CCDC149: variants seen among roughly 807,000 people sequenced by gnomAD.
CCDC149 encodes coiled-coil domain-containing protein 149.
Under a neutral mutation model 59.9 loss-of-function variants are expected in CCDC149, and 45 were observed. The ratio of observed to expected loss-of-function variants is 0.75; its 90% confidence interval spans 0.59 to 0.96. The LOEUF (loss-of-function observed/expected upper bound fraction) is 0.96, where lower values mean the gene tolerates loss of function less well. CCDC149 is among the 40% of genes least tolerant of loss of function. The probability of loss-of-function intolerance (pLI) is 0.00; values close to 1 mark genes in which losing one functional copy is unlikely to be tolerated. For synonymous variants in CCDC149, 245 were observed against 260.6 expected, an observed-to-expected ratio of 0.94 and a Z score of 0.58; for missense variants, 584 against 664.7, an observed-to-expected ratio of 0.88 and a Z score of 1.33.
At position 24,842,676 on chromosome 4, in the gene CCDC149, A is replaced by G. The variant is rs560321833; in HGVS notation, c.373-4404T>C. 3.3e-3 allele frequency among the ~76,000 whole-genome samples: 505 copies of G among 152,322 alleles called. 1 individual carries two copies. Among genetic ancestry groups the G allele is most frequent in the African/African-American group, 0.011 (472 of 41,560 alleles). ...GGAAGTGGCTGAGGGACATGGCTGC[A>G]AAACAAAGTGGTAAAACGGCTTCTG... On this transcript the variant is annotated intron_variant, in intron 4 of 12. Transcript: ENST00000635206.
At position 24,837,373 on chromosome 4, in the gene CCDC149, C is replaced by T; in HGVS notation, c.517G>A (p.Ala173Thr). The change falls in exon 6 of 13, where the codon GCT (alanine) becomes ACT (threonine). Residue 173 changes from alanine (A) to threonine (T), a missense_variant. Ala to Thr is a moderately conservative substitution (Grantham distance 58, BLOSUM62 0). Coordinates refer to ENST00000635206, the MANE Select transcript of CCDC149 (RefSeq NM_001330643.2). The surrounding 1 kb of genome is among the most constrained non-coding windows in gnomAD (Gnocchi z 4.3). Reference sequence around the variant, plus strand: ...ACATCCTGAAGCTCGTCCACAGAAGCCTGCAGGTCGTGCTCCAGAGACTCA... The same window carrying T: ...ACATCCTGAAGCTCGTCCACAGAAGTCTGCAGGTCGTGCTCCAGAGACTCA... The T allele has an allele frequency of 6.2e-7, 1 of 1,614,178 alleles. No homozygotes were observed. The highest frequency in any genetic ancestry group is 8.5e-7 in the Non-Finnish European group (1 of 1,180,014).
intron 4 of CCDC149, among the ~76,000 whole-genome samples, chr4:24,843,824 C>T (rs1029014947): frequency 1.3e-5 from 2 of 152,278 alleles, no homozygotes; most frequent in African/African-American, 2.4e-5. Context: ...AGAGCCTCTA[C>T]TAGGGCTGAA....
At chr4:24,820,287 G>T in intron 11 of CCDC149, 1 of 273,008 alleles carries the variant, frequency 3.7e-6, no homozygotes, top group Non-Finnish European at 7.0e-6. Context: ...GATTCTTGGA[G>T]GGGGTGATAA....
chr4:24,854,972 G>T (rs1250697369), intron 3 of CCDC149, among the ~76,000 whole-genome samples: 1 of 152,114 alleles, frequency 6.6e-6, no homozygotes, highest in Non-Finnish European at 1.5e-5. Context: ...CTTCCCCGGT[G>T]CTACCTTACC....
chr4:24,910,224 C>A (rs1307492444), intron 1 of CCDC149, among the ~76,000 whole-genome samples: 3 of 152,216 alleles, frequency 2.0e-5, no homozygotes, highest in Non-Finnish European at 2.9e-5. Flanking sequence ...GTCTTCCTTT[C>A]ATGCATCTCC....
At chr4:24,816,954 T>C (rs1715052428) in intron 12 of CCDC149, among the ~76,000 whole-genome samples, 1 of 152,110 alleles carries the variant, frequency 6.6e-6, no homozygotes. Context: ...CTGCTTTCAG[T>C]TGGAATTGAT....
chr4:24,815,174 C>T (rs982080112), intron 12 of CCDC149, among the ~76,000 whole-genome samples: 108 of 152,234 alleles, frequency 7.1e-4, no homozygotes, highest in African/African-American at 2.5e-3. Context: ...AAATACCATT[C>T]GTTAATATAT....
chr4:24,832,484 A>G (rs1716222638), intron 8 of CCDC149, among the ~76,000 whole-genome samples: 1 of 152,238 alleles, frequency 6.6e-6, no homozygotes, highest in Non-Finnish European at 1.5e-5. Context: ...AAAGCCAAAC[A>G]ACACACACAG....
At chr4:24,850,215 T>TATTCC (rs913049289) in intron 4 of CCDC149, among the ~76,000 whole-genome samples, 2 of 152,252 alleles carry the variant, frequency 1.3e-5, no homozygotes, top group East Asian at 1.9e-4. Flanking sequence ...TTCATTCATT[T>TATTCC]ATTCCATTCC....
downstream of CCDC149, among the ~76,000 whole-genome samples, chr4:24,803,609 A>G (rs758982251): frequency 6.6e-6 from 1 of 152,250 alleles, no homozygotes; most frequent in Non-Finnish European, 1.5e-5. The surrounding 1 kb of genome is among the most constrained non-coding windows in gnomAD (Gnocchi z 4.3). Flanking sequence ...CAACTTCTGC[A>G]AATGAATAGA....
rs143597938 is a variant in CCDC149, at chr4:24,860,137, G to C, written c.265-6958C>G. On this transcript the variant is annotated intron_variant, in intron 3 of 12. Coordinates refer to ENST00000635206, the MANE Select transcript of CCDC149 (RefSeq NM_001330643.2). Reference sequence around the variant, plus strand: ...CCAAAAAAGAGCCCGCATAGCCAAAGCAAAACTAAGCAAAAAGGACAACTC... The same window carrying C: ...CCAAAAAAGAGCCCGCATAGCCAAACCAAAACTAAGCAAAAAGGACAACTC... 9.3e-4 allele frequency among the ~76,000 whole-genome samples: 142 copies of C among 152,158 alleles called. 1 individual carries two copies. Among genetic ancestry groups the C allele is most frequent in the African/African-American group, 3.3e-3 (135 of 41,522 alleles).
At chr4:24,900,914 C>T (rs958363781) in intron 1 of CCDC149, among the ~76,000 whole-genome samples, 8 of 152,058 alleles carry the variant, frequency 5.3e-5, no homozygotes, top group African/African-American at 1.9e-4. Flanking sequence ...AAGCAGCCAG[C>T]GTATGTGGGG....
chr4:24,913,573 A>G (rs1362812514), upstream of CCDC149, among the ~76,000 whole-genome samples: 4 of 152,286 alleles, frequency 2.6e-5, no homozygotes, highest in Non-Finnish European at 1.5e-5. Context: ...AATTGAAAAT[A>G]AAGCATTATT....
intron 4 of CCDC149, among the ~76,000 whole-genome samples, chr4:24,842,167 A>ATGAG (rs1459395258): frequency 1.3e-5 from 2 of 152,244 alleles, no homozygotes; most frequent in African/African-American, 4.8e-5. Context: ...CCTAACCCTA[A>ATGAG]GTAAGAAAAG....
At chr4:24,889,584 C>G (rs79084408) in intron 1 of CCDC149, among the ~76,000 whole-genome samples, 1 of 152,158 alleles carries the variant, frequency 6.6e-6, no homozygotes, top group East Asian at 1.9e-4. Context: ...ATACAGGTGA[C>G]AGGCAGCTTG....
At chr4:24,916,273 G>A (rs1222860081), upstream of CCDC149, among the ~76,000 whole-genome samples, 1 of 152,156 alleles carries the variant, frequency 6.6e-6, no homozygotes, top group Non-Finnish European at 1.5e-5. Context: ...AAAGTACTTA[G>A]TTGCTTTTGA....
intron 1 of CCDC149, among the ~76,000 whole-genome samples, chr4:24,971,788 A>T (rs532647507): frequency 6.6e-6 from 1 of 152,354 alleles, no homozygotes; most frequent in South Asian, 2.1e-4. Context: ...AGAACTACTG[A>T]TAGAACAGAC....
At position 24,876,773 on chromosome 4, in the gene CCDC149, C is replaced by T. The variant is rs1216100439; in HGVS notation, c.64-76G>A. Reference sequence around the variant, plus strand: ...CATTAAACACACACCGTACTTCACACACCCTGTGGGGAATTTTTGCCATTC... The same window carrying T: ...CATTAAACACACACCGTACTTCACATACCCTGTGGGGAATTTTTGCCATTC... On this transcript the variant is annotated intron_variant, in intron 1 of 12. Transcript: ENST00000635206. The T allele has an allele frequency of 7.1e-6, 10 of 1,415,426 alleles. 1 individual carries two copies. In the South Asian group the frequency reaches 8.3e-5, roughly 12 times the overall value. The allele number at this position is 1,415,426 out of a possible 1,614,324, so 87.7% of individuals were successfully genotyped here. A position where few individuals can be genotyped will look rare whatever the true frequency, so the allele number is the denominator to read the frequency against.
At position 24,962,719 on chromosome 4, in the gene CCDC149, A is replaced by G. The variant is rs376056582; in HGVS notation, c.-65+17350T>C. Among the ~76,000 whole-genome samples the G allele has an allele frequency of 2.1e-5, 3 of 145,516 alleles. No homozygotes were observed. In the South Asian group the frequency reaches 6.9e-4, roughly 33 times the overall value. ...GGACACAGGAAGGGGAACATCACACACCGGGGCCTGTTGTGGGGTGGGAGG... is the reference window on the plus strand; with the variant it reads ...GGACACAGGAAGGGGAACATCACACGCCGGGGCCTGTTGTGGGGTGGGAGG... On this transcript the variant is annotated intron_variant, in intron 1 of 12. Coordinates refer to the CCDC149 transcript ENST00000389609.
Sources: gnomAD v4.1 joint callset for allele counts (sites outside exome capture counted in the v4.1 genomes callset) on GRCh38, gnomAD v4.1.1 for gene constraint, Gnocchi (gnomAD v3.1) non-coding constraint, MANE v1.5 for transcripts, NCBI Gene and HGNC (gene_info 2026-07-23, HGNC 2026-07-21) for gene names.